Variants in RBM6 observed in about 807,000 individuals in gnomAD.
The protein encoded by RBM6 is RNA binding motif protein 6, also known as RNA-binding protein 6.
A neutral mutation model predicts 140.4 loss-of-function variants in RBM6; 23 were observed. The observed-to-expected ratio is 0.16, with a 90% CI of 0.12 to 0.23. The LOEUF (loss-of-function observed/expected upper bound fraction) is 0.23, where lower values mean the gene tolerates loss of function less well. Ranked by LOEUF, RBM6 falls within the 10% of genes least tolerant of loss-of-function variation. The pLI is 1.00. For synonymous variants in RBM6, 439 were observed against 475.6 expected, an observed-to-expected ratio of 0.92 and a Z score of 1.00; for missense variants, 1,139 against 1,386.7, an observed-to-expected ratio of 0.82 and a Z score of 2.84.
chr3:49,952,058 G>A (rs1484437165), intron 1 of RBM6, among the ~76,000 whole-genome samples: 2 of 150,664 alleles, frequency 1.3e-5, no homozygotes, highest in Admixed American at 6.7e-5. Flanking sequence ...TGTCTGAGAC[G>A]GAGTCTTGCT....
chr3:50,075,936 C>G, intron 20 of RBM6, among the ~76,000 whole-genome samples: 1 of 151,892 alleles, frequency 6.6e-6, no homozygotes, highest in Admixed American at 6.6e-5. Context: ...CACCTTAATT[C>G]ATCTTGGGTA....
intron 15 of RBM6, among the ~76,000 whole-genome samples, chr3:50,062,665 CT>C (rs563203343): frequency 1.4e-4 from 21 of 152,242 alleles, no homozygotes; most frequent in African/African-American, 4.6e-4. Flanking sequence ...TACATTTTCA[CT>C]TTTCTACATT....
intron 1 of RBM6, among the ~76,000 whole-genome samples, chr3:49,954,173 C>G (rs889561484): frequency 6.6e-6 from 1 of 151,652 alleles, no homozygotes; most frequent in Non-Finnish European, 1.5e-5. Flanking sequence ...GGCGCAATGG[C>G]TCACGCCTGT....
chr3:49,941,206 C>G (rs1005834034), intron 1 of RBM6: 1 of 152,128 alleles, frequency 6.6e-6, no homozygotes. Context: ...GATGGTAGGA[C>G]TGGCAGTGAA....
intron 6 of RBM6, among the ~76,000 whole-genome samples, chr3:50,023,551 G>T (rs2087629971): frequency 6.6e-6 from 1 of 152,012 alleles, no homozygotes; most frequent in African/African-American, 2.4e-5. Flanking sequence ...CTAGTATTGG[G>T]TGCTTACAGA....
At chr3:49,951,696 GTTA>G (rs781572660) in intron 1 of RBM6, among the ~76,000 whole-genome samples, 6 of 147,108 alleles carry the variant, frequency 4.1e-5, no homozygotes, top group Non-Finnish European at 4.5e-5. Context: ...TCAGCCTCCA[GTTA>G]TTATTATTAT....
intron 6 of RBM6, among the ~76,000 whole-genome samples, chr3:50,020,836 C>T (rs538561990): frequency 3.3e-4 from 50 of 152,238 alleles, no homozygotes; most frequent in South Asian, 1.5e-3. Flanking sequence ...AGTGAAAATA[C>T]AGTATTTCAG....
At chr3:50,012,397 G>A (rs1466244870) in intron 6 of RBM6, among the ~76,000 whole-genome samples, 2 of 149,792 alleles carry the variant, frequency 1.3e-5, no homozygotes, top group Admixed American at 6.7e-5. Flanking sequence ...TCACTCTGTC[G>A]CCCAGGCTGG....
rs1310064863 is a variant in RBM6, at chr3:49,967,349, C to T, written c.45-121C>T. 10 of 1,488,884 alleles carry T rather than the reference C, an allele frequency of 6.7e-6. No individual in the cohort carries two copies. The highest frequency in any genetic ancestry group is 4.2e-5 in the African/African-American group (3 of 71,140). The allele number at this position is 1,488,884 out of a possible 1,614,324, so 92.2% of individuals were successfully genotyped here. A position where few individuals can be genotyped will look rare whatever the true frequency, so the allele number is the denominator to read the frequency against. On this transcript the variant is annotated intron_variant, in intron 2 of 20. Coordinates refer to ENST00000266022, the MANE Select transcript of RBM6 (RefSeq NM_005777.3). The surrounding 1 kb of genome is among the most constrained non-coding windows in gnomAD (Gnocchi z 4.0). ...TTTCTGCAGATCTAGGACCTTGTTACAGAACTCTGCCAAAAAAAAAATGTT... is the reference window on the plus strand; with the variant it reads ...TTTCTGCAGATCTAGGACCTTGTTATAGAACTCTGCCAAAAAAAAAATGTT...
At chr3:50,048,555 CAT>C (rs2089322132) in intron 7 of RBM6, among the ~76,000 whole-genome samples, 1 of 152,170 alleles carries the variant, frequency 6.6e-6, no homozygotes, top group African/African-American at 2.4e-5. Context: ...TTCCCAAGGA[CAT>C]GTGCCATTAT....
intron 5 of RBM6, among the ~76,000 whole-genome samples, chr3:49,979,651 G>C (rs1397953751): frequency 6.6e-6 from 1 of 152,084 alleles, no homozygotes; most frequent in East Asian, 1.9e-4. Context: ...ATGTTGGCCA[G>C]GCTGGTCTTG....
intron 15 of RBM6, among the ~76,000 whole-genome samples, chr3:50,063,664 G>A (rs902279761): frequency 5.3e-5 from 8 of 151,816 alleles, no homozygotes; most frequent in Non-Finnish European, 1.2e-4. Flanking sequence ...ACTTTGAGAG[G>A]CCAAGGCAGG....
chr3:50,013,106 G>T (rs1035728011), intron 6 of RBM6, among the ~76,000 whole-genome samples: 1 of 152,088 alleles, frequency 6.6e-6, no homozygotes, highest in African/African-American at 2.4e-5. Context: ...TATTCTCATT[G>T]AAAAAGGGAC....
At chr3:50,069,856 A>C (rs1340364934) in intron 18 of RBM6, among the ~76,000 whole-genome samples, 1 of 152,130 alleles carries the variant, frequency 6.6e-6, no homozygotes, top group Admixed American at 6.5e-5. Flanking sequence ...TGGACTCCTT[A>C]AGTTTTATAT....
At chr3:50,066,922 C>T (rs1393680602) in intron 17 of RBM6, among the ~76,000 whole-genome samples, 1 of 149,826 alleles carries the variant, frequency 6.7e-6, no homozygotes, top group Non-Finnish European at 1.5e-5. Flanking sequence ...TAGTGGTTTA[C>T]ACCTGTAATC....
intron 6 of RBM6, among the ~76,000 whole-genome samples, chr3:50,042,175 CTG>C: frequency 6.6e-6 from 1 of 152,318 alleles, no homozygotes; most frequent in African/African-American, 2.4e-5. Flanking sequence ...TACTCCCATA[CTG>C]TGTTTGGAAG....
intron 6 of RBM6, among the ~76,000 whole-genome samples, chr3:50,031,776 A>G (rs2088182162): frequency 6.6e-6 from 1 of 152,238 alleles, no homozygotes; most frequent in South Asian, 2.1e-4. Flanking sequence ...AGTATAGTCA[A>G]TAATGACTTA....
intron 1 of RBM6, among the ~76,000 whole-genome samples, chr3:49,947,680 C>T (rs2083555690): frequency 2.0e-5 from 3 of 151,700 alleles, no homozygotes; most frequent in South Asian, 4.2e-4. Context: ...AAATTTTTCC[C>T]CTAAGATTTT....
intron 6 of RBM6, among the ~76,000 whole-genome samples, chr3:50,033,875 C>T (rs1015593742): frequency 1.3e-5 from 2 of 152,000 alleles, no homozygotes; most frequent in Non-Finnish European, 2.9e-5. Flanking sequence ...CTCCCGACCT[C>T]GTGATCCCCC....
Sources: gnomAD v4.1 joint callset for allele counts (sites outside exome capture counted in the v4.1 genomes callset) on GRCh38, gnomAD v4.1.1 for gene constraint, Gnocchi (gnomAD v3.1) non-coding constraint, MANE v1.5 for transcripts, NCBI Gene and HGNC (gene_info 2026-07-23, HGNC 2026-07-21) for gene names.